CASQ2: variants seen among roughly 807,000 people sequenced by gnomAD.
CASQ2 encodes the protein calsequestrin 2.
Under a neutral mutation model 46.5 loss-of-function variants are expected in CASQ2, and 49 were observed. The ratio of observed to expected loss-of-function variants is 1.05; its 90% CI spans 0.84 to 1.34. The LOEUF (loss-of-function observed/expected upper bound fraction) is 1.34, where lower values mean the gene tolerates loss of function less well. CASQ2 is among the 40% of genes most tolerant of loss of function. CASQ2 has a pLI of 0.00. For synonymous variants in CASQ2, 174 were observed against 168.5 expected, an observed-to-expected ratio of 1.03 and a Z score of -0.25; for missense variants, 486 against 481.3, an observed-to-expected ratio of 1.01 and a Z score of -0.09.
At chr1:115,708,830 C>T (rs965317707) in intron 8 of CASQ2, among the ~76,000 whole-genome samples, 2 of 152,142 alleles carry the variant, frequency 1.3e-5, no homozygotes, top group Admixed American at 6.5e-5. Flanking sequence ...CTTGGATCCA[C>T]GTGGTACATG....
chr1:115,735,363 A>C (rs1381593385), intron 4 of CASQ2, among the ~76,000 whole-genome samples: 1 of 152,186 alleles, frequency 6.6e-6, no homozygotes, highest in Non-Finnish European at 1.5e-5. Context: ...TTAGCTAAAA[A>C]CTAGATTTAA....
At chr1:115,737,723 C>T (rs1181664084) in intron 4 of CASQ2, among the ~76,000 whole-genome samples, 2 of 152,240 alleles carry the variant, frequency 1.3e-5, no homozygotes, top group African/African-American at 2.4e-5. Context: ...AAGGGTGTGG[C>T]TGCACTATGA....
chr1:115,734,760 T>G (rs549488432), intron 4 of CASQ2, among the ~76,000 whole-genome samples: 5 of 152,178 alleles, frequency 3.3e-5, no homozygotes, highest in Non-Finnish European at 7.3e-5. Flanking sequence ...CTTCCCCCTC[T>G]CTCAGGGTTG....
intron 8 of CASQ2, among the ~76,000 whole-genome samples, chr1:115,713,795 G>A (rs1487465351): frequency 6.6e-6 from 1 of 152,154 alleles, no homozygotes; most frequent in East Asian, 1.9e-4. Flanking sequence ...GCACTGGCTG[G>A]GGCATTGTTT....
intron 2 of CASQ2, among the ~76,000 whole-genome samples, chr1:115,741,035 C>A (rs1648158292): frequency 6.6e-6 from 1 of 152,228 alleles, no homozygotes; most frequent in Admixed American, 6.5e-5. Flanking sequence ...CAGAACAATT[C>A]CAGCTGGATT....
chr1:115,750,797 G>A (rs757096906), intron 1 of CASQ2, among the ~76,000 whole-genome samples: 6 of 145,920 alleles, frequency 4.1e-5, no homozygotes, highest in Non-Finnish European at 7.7e-5. Flanking sequence ...ATGAGCCACC[G>A]CGCCCAGCCT....
In CASQ2 at chr1:115,724,685, C is replaced by T. The variant is rs116226484; in HGVS notation, c.783+823G>A. Reference sequence around the variant, plus strand: ...GACACAAACCTAGAAGACAAGTTGGCTCAGCTGCTTGCCAGTGCCTTCAGT... The same window carrying T: ...GACACAAACCTAGAAGACAAGTTGGTTCAGCTGCTTGCCAGTGCCTTCAGT... On this transcript the variant is annotated intron_variant, in intron 7 of 10. Transcript: ENST00000261448. Among the ~76,000 whole-genome samples, 231 of 152,312 alleles carry T rather than the reference C, an allele frequency of 1.5e-3. 4 individuals carry two copies. The highest frequency in any genetic ancestry group is 5.3e-3 in the African/African-American group (221 of 41,566).
chr1:115,714,969 G>T (rs777233499), intron 8 of CASQ2, among the ~76,000 whole-genome samples: 18 of 152,182 alleles, frequency 1.2e-4, no homozygotes, highest in Non-Finnish European at 1.9e-4. Context: ...CAGCAATCTC[G>T]GTCAAACAGG....
In CASQ2 at chr1:115,761,321, C is replaced by T. The variant is rs566276065; in HGVS notation, c.234+6987G>A. On this transcript the variant is annotated intron_variant, in intron 1 of 10. Coordinates refer to ENST00000261448, the MANE Select transcript of CASQ2 (RefSeq NM_001232.4). ...CTGAGGCAGAAGAATTGCTTGAACC[C>T]GGAAGGAGGAGGTTGCAGTGAGCTG... Among the ~76,000 whole-genome samples, 127 of 138,134 alleles carry T rather than the reference C, an allele frequency of 9.2e-4. 1 individual carries two copies. The highest frequency in any genetic ancestry group is 1.6e-3 in the Non-Finnish European group (102 of 65,648). 90.6% of individuals were successfully genotyped at this position (138,134 alleles called of 152,430 possible). A position where few individuals can be genotyped will look rare whatever the true frequency, so the allele number is the denominator to read the frequency against.
Position 115,744,818 on chromosome 1 carries a change from TCA to T in CASQ2, c.319+8_319+9del. On this transcript the variant is annotated splice_region_variant and intron_variant, in intron 2 of 10. Coordinates refer to ENST00000261448, the MANE Select transcript of CASQ2 (RefSeq NM_001232.4). Reference sequence around the variant, plus strand: ...TTTCCCACATACAGTATCTCAAAAATCACACTTACCCAGTTTCTTGGCAAGCT... The same window carrying T: ...TTTCCCACATACAGTATCTCAAAAATCACTTACCCAGTTTCTTGGCAAGCT... 1 of 1,599,670 alleles carries T rather than the reference TCA, an allele frequency of 6.3e-7. No individual in the cohort carries two copies. The highest frequency in any genetic ancestry group is 1.1e-5 in the South Asian group (1 of 90,710).
intron 1 of CASQ2, among the ~76,000 whole-genome samples, chr1:115,750,334 C>G (rs932770571): frequency 2.6e-4 from 39 of 152,220 alleles, no homozygotes; most frequent in Admixed American, 9.8e-4. Context: ...TCAGTTACCT[C>G]TCAGATAGTC....
At position 115,768,527 on chromosome 1, in the gene CASQ2, G is replaced by A. The variant is rs763716152; in HGVS notation, c.15C>T (p.His5=). The change falls in exon 1 of 11, where the codon CAC becomes CAT. Residue 5 remains histidine, a synonymous_variant. Transcript: ENST00000261448. The part of the protein sequence containing the change: MKRT[H]LFIVGIYFLS... ...GAAAATAAATCCCCACAATAAACAA[G>A]TGAGTTCTCTTCATTTGGGAAAACT... is the stretch of plus-strand genomic sequence containing the variant. 6.2e-7 allele frequency: 1 copy of A among 1,610,604 alleles called. No homozygotes were observed. The highest frequency in any genetic ancestry group is 2.2e-5 in the East Asian group (1 of 44,844).
chr1:115,752,292 TTA>T (rs1648609896), intron 1 of CASQ2, among the ~76,000 whole-genome samples: 1 of 152,224 alleles, frequency 6.6e-6, no homozygotes, highest in South Asian at 2.1e-4. Flanking sequence ...GCACATTAAT[TTA>T]TATGATTCTT....
Position 115,768,449 on chromosome 1 carries a change from C to T in CASQ2, c.93G>A (p.Lys31=). Residue 31 remains lysine, a synonymous_variant, in exon 1 of 11, where the codon AAG becomes AAA. Coordinates refer to ENST00000261448, the MANE Select transcript of CASQ2 (RefSeq NM_001232.4). ...EGLNFPTYDG[K]DRVVSLSEKN... Reference sequence around the variant, plus strand: ...TCTCGGAAAGACTTACCACTCGGTCCTTCCCATCATATGTGGGGAAATTAA... The same window carrying T: ...TCTCGGAAAGACTTACCACTCGGTCTTTCCCATCATATGTGGGGAAATTAA... 1 of 1,612,988 alleles carries T rather than the reference C, an allele frequency of 6.2e-7. No homozygotes were observed. The highest frequency in any genetic ancestry group is 8.5e-7 in the Non-Finnish European group (1 of 1,178,944).
chr1:115,767,816 C>G (rs890033847), intron 1 of CASQ2, among the ~76,000 whole-genome samples: 7 of 152,198 alleles, frequency 4.6e-5, no homozygotes, highest in Admixed American at 2.0e-4. Flanking sequence ...TGACGCAAAA[C>G]AAGAGAGAGG....
chr1:115,725,691 C>T, intron 6 of CASQ2, 138 bp from the exon 7 acceptor site: 2 of 1,099,388 alleles, frequency 1.8e-6, no homozygotes, highest in Non-Finnish European at 2.6e-6. Context: ...CCCTAAAAAC[C>T]CACTTATCTT....
rs1557798474 is a variant in CASQ2 at position 115,741,698 on chromosome 1, GCGT to G, written c.320-873_320-871del. On this transcript the variant is annotated intron_variant, in intron 2 of 10. Coordinates refer to ENST00000261448, the MANE Select transcript of CASQ2 (RefSeq NM_001232.4). ...GGTAGATGCTGCAAGGACAGGCTCA[GCGT>G]CTTCTTATTTTGCTGCCCTTTAGCA... 2.6e-5 allele frequency among the ~76,000 whole-genome samples: 4 copies of G among 152,148 alleles called. No individual in the cohort carries two copies. The South Asian group carries it at 8.3e-4, about 32-fold the overall frequency.
intron 2 of CASQ2, among the ~76,000 whole-genome samples, chr1:115,743,544 A>G (rs10923345): frequency 0.71 from 108,164 of 152,148 alleles, 42,170 homozygotes; most frequent in Non-Finnish European, 0.88. Context: ...ATCATTGTAT[A>G]GTCCTAAATA....
At chr1:115,703,924 C>CA (rs749643769) in intron 9 of CASQ2, among the ~76,000 whole-genome samples, 1,038 of 93,698 alleles carry the variant, frequency 0.011, 7 homozygotes, top group Middle Eastern at 0.019. Context: ...AAAAAAAAAA[C>CA]AAAAAAAAAC....
Sources: gnomAD v4.1 joint callset for allele counts (sites outside exome capture counted in the v4.1 genomes callset) on GRCh38, gnomAD v4.1.1 for gene constraint, MANE v1.5 for transcripts, NCBI Gene and HGNC (gene_info 2026-07-23, HGNC 2026-07-21) for gene names.